Variants in CGNL1 observed in about 807,000 individuals in gnomAD.
The protein encoded by CGNL1 is cingulin-like protein 1.
Under a neutral mutation model 141.2 loss-of-function variants are expected in CGNL1, and 132 were observed. The observed-to-expected ratio is 0.93, with a 90% CI of 0.81 to 1.08. The LOEUF (loss-of-function observed/expected upper bound fraction) is 1.08, where lower values mean the gene tolerates loss of function less well. Ranked by LOEUF, CGNL1 falls within the 50% of genes least tolerant of loss-of-function variation. CGNL1 has a pLI of 0.00. For missense variants in CGNL1, 1,870 were observed against 1,588.6 expected (o/e 1.18, Z -3.01); for synonymous variants, 690 against 622.1 (o/e 1.11, Z -1.63).
In CGNL1 at chr15:57,439,069, T is replaced by C. The variant is rs751743901; in HGVS notation, c.1070T>C (p.Ile357Thr). 5.1e-5 allele frequency: 82 copies of C among 1,613,668 alleles called. No homozygotes were observed. Among genetic ancestry groups the C allele is most frequent in the Admixed American group, 2.3e-4 (14 of 59,968 alleles). Reference sequence around the variant, plus strand: ...TCAATTCCTGGTGTGGATCAGTTAATTGAAAAATTTGATCAAAAACCTGGG... The same window carrying C: ...TCAATTCCTGGTGTGGATCAGTTAACTGAAAAATTTGATCAAAAACCTGGG... ...TGSIPGVDQL[I>T]EKFDQKPGLQ... The change falls in exon 2 of 19, where the codon ATT (isoleucine) becomes ACT (threonine). Residue 357 changes from isoleucine to threonine, a missense_variant. Ile to Thr is a moderately conservative substitution (Grantham distance 89). Coordinates refer to ENST00000281282, the MANE Select transcript of CGNL1 (RefSeq NM_032866.5).
chr15:57,433,254 C>T (rs369952152), intron 1 of CGNL1, among the ~76,000 whole-genome samples: 15 of 152,332 alleles, frequency 9.8e-5, no homozygotes, highest in East Asian at 7.7e-4. Context: ...TCACGCATCA[C>T]TTCATTAGTC....
intron 8 of CGNL1, 138 bp from the exon 9 acceptor site, chr15:57,516,642 G>T: frequency 2.4e-6 from 2 of 849,218 alleles, no homozygotes; most frequent in Non-Finnish European, 3.6e-6. Context: ...GCAGGCTGTC[G>T]TTTGCCGACC....
chr15:57,383,452 C>G (rs1449103872), intron 1 of CGNL1, among the ~76,000 whole-genome samples: 1 of 151,716 alleles, frequency 6.6e-6, no homozygotes, highest in Admixed American at 6.6e-5. Flanking sequence ...GCACGTGCCA[C>G]GACGCCCGGC....
intron 6 of CGNL1, among the ~76,000 whole-genome samples, chr15:57,453,010 G>A (rs1405860595): frequency 6.6e-6 from 1 of 152,062 alleles, no homozygotes; most frequent in Non-Finnish European, 1.5e-5. Flanking sequence ...AAAGAGTTTA[G>A]TAAGAAAAAA....
intron 1 of CGNL1, among the ~76,000 whole-genome samples, chr15:57,412,211 G>A (rs1218939944): frequency 2.0e-5 from 3 of 152,248 alleles, no homozygotes; most frequent in Non-Finnish European, 2.9e-5. Context: ...TTCACAGGCA[G>A]TGGATGTTAG....
intron 8 of CGNL1, among the ~76,000 whole-genome samples, chr15:57,498,030 G>GTGCTGTT (rs1471491154): frequency 6.6e-6 from 1 of 152,126 alleles, no homozygotes; most frequent in Non-Finnish European, 1.5e-5. Context: ...ACTGTGGCAT[G>GTGCTGTT]TGCTGTTTTT....
chr15:57,388,246 G>T (rs950803556), intron 1 of CGNL1, among the ~76,000 whole-genome samples: 12 of 152,208 alleles, frequency 7.9e-5, no homozygotes, highest in African/African-American at 2.9e-4. Flanking sequence ...GCCCCGAGAA[G>T]AGGAAGCAGG....
chr15:57,534,507 A>G (rs190958567), intron 14 of CGNL1, among the ~76,000 whole-genome samples: 277 of 152,258 alleles, frequency 1.8e-3, no homozygotes, highest in African/African-American at 6.4e-3. Flanking sequence ...GCCAAGGCTT[A>G]TTTCCTGCCT....
chr15:57,493,640 G>A (rs113451533), intron 8 of CGNL1, among the ~76,000 whole-genome samples: 87 of 152,226 alleles, frequency 5.7e-4, no homozygotes, highest in Middle Eastern at 3.4e-3. Context: ...GAGTTAGTAG[G>A]ACTTCTGGAT....
chr15:57,384,761 G>C (rs1312760786), intron 1 of CGNL1, among the ~76,000 whole-genome samples: 5 of 152,158 alleles, frequency 3.3e-5, no homozygotes, highest in African/African-American at 1.2e-4. Context: ...TATACCTGGT[G>C]TCTGGTAGAA....
chr15:57,531,902 A>G (rs2031973406), intron 14 of CGNL1, 123 bp downstream of exon 14: 7 of 648,484 alleles, frequency 1.1e-5, no homozygotes, highest in Middle Eastern at 3.1e-4. Flanking sequence ...AAATTGATGG[A>G]AGATTGAATA....
At chr15:57,449,913 A>G (rs759177728) in intron 4 of CGNL1, among the ~76,000 whole-genome samples, 1 of 152,134 alleles carries the variant, frequency 6.6e-6, no homozygotes, top group Non-Finnish European at 1.5e-5. Flanking sequence ...AGTATTGAGT[A>G]TTAATATTCC....
At chr15:57,519,489 C>T (rs1238871951) in intron 10 of CGNL1, among the ~76,000 whole-genome samples, 1 of 152,132 alleles carries the variant, frequency 6.6e-6, no homozygotes, top group African/African-American at 2.4e-5. Context: ...GGGGACTCTC[C>T]CCCAAAATCA....
At chr15:57,442,538 G>T (rs1281372951) in intron 4 of CGNL1, 60 bp downstream of exon 4, 2 of 1,053,654 alleles carry the variant, frequency 1.9e-6, no homozygotes, top group Non-Finnish European at 2.9e-6. Context: ...TAAACAACTT[G>T]CTGTTTCTTC....
chr15:57,425,209 G>C (rs997791123), intron 1 of CGNL1, among the ~76,000 whole-genome samples: 4 of 152,042 alleles, frequency 2.6e-5, no homozygotes, highest in African/African-American at 9.7e-5. Flanking sequence ...AACAAAATAA[G>C]AATAATAGGC....
chr15:57,449,794 T>C (rs572779709), intron 4 of CGNL1, among the ~76,000 whole-genome samples: 6 of 152,362 alleles, frequency 3.9e-5, no homozygotes, highest in African/African-American at 1.2e-4. Flanking sequence ...TCTGGAGTGT[T>C]CTGTAGTTGG....
chr15:57,506,212 T>C (rs1476869606), intron 8 of CGNL1, among the ~76,000 whole-genome samples: 2 of 152,222 alleles, frequency 1.3e-5, no homozygotes, highest in Admixed American at 6.5e-5. Flanking sequence ...AATATTTTCC[T>C]AGTGACGCAG....
intron 1 of CGNL1, among the ~76,000 whole-genome samples, chr15:57,390,018 G>A (rs558087193): frequency 6.6e-6 from 1 of 152,212 alleles, no homozygotes; most frequent in Non-Finnish European, 1.5e-5. Flanking sequence ...GTTTTGCCAT[G>A]TTGGCCGGGC....
At position 57,543,789 on chromosome 15, in the gene CGNL1, G is replaced by A; in HGVS notation, c.3375+10G>A. Reference sequence around the variant, plus strand: ...TTCCCTGGAGAGGCAGGTGAGGGCAGCCAGCCTGTGAGCTGCCCCCCCGTC... The same window carrying A: ...TTCCCTGGAGAGGCAGGTGAGGGCAACCAGCCTGTGAGCTGCCCCCCCGTC... On this transcript the variant is annotated intron_variant, in intron 15 of 18. Coordinates refer to ENST00000281282, the MANE Select transcript of CGNL1 (RefSeq NM_032866.5). 1.2e-6 allele frequency: 2 copies of A among 1,609,288 alleles called. No individual in the cohort carries two copies. The highest frequency in any genetic ancestry group is 8.5e-7 in the Non-Finnish European group (1 of 1,176,004).
Sources: gnomAD v4.1 joint callset for allele counts (sites outside exome capture counted in the v4.1 genomes callset) on GRCh38, gnomAD v4.1.1 for gene constraint, MANE v1.5 for transcripts, NCBI Gene and HGNC (gene_info 2026-07-23, HGNC 2026-07-21) for gene names.